PPP3CA: variants seen among roughly 807,000 people sequenced by gnomAD.
PPP3CA encodes the protein protein phosphatase 3 catalytic subunit alpha.
In PPP3CA, 14 loss-of-function variants were observed where a neutral mutation model predicts 66.5. The observed-to-expected ratio is 0.21, with a 90% CI of 0.14 to 0.33. The LOEUF is 0.33. PPP3CA is among the 10% of genes least tolerant of loss of function. The probability of loss-of-function intolerance (pLI) is 1.00; values close to 1 mark genes in which losing one functional copy is unlikely to be tolerated. For missense variants in PPP3CA, 317 were observed against 639.5 expected, an observed-to-expected ratio of 0.50 and a Z score of 5.44; for synonymous variants, 232 against 226.2, an observed-to-expected ratio of 1.03 and a Z score of -0.23.
chr4:101,090,860 ACACACATATCT>A (rs1729892304), intron 6 of PPP3CA, among the ~76,000 whole-genome samples: 2 of 146,914 alleles, frequency 1.4e-5, no homozygotes, highest in Non-Finnish European at 3.0e-5. Context: ...ATTATAATAT[ACACACATATCT>A]GTGTCTATAT....
At chr4:101,031,404 T>A (rs554116180) in intron 12 of PPP3CA, among the ~76,000 whole-genome samples, 1 of 152,318 alleles carries the variant, frequency 6.6e-6, no homozygotes, top group Non-Finnish European at 1.5e-5. Context: ...TTGTTAAAAT[T>A]GTATTGTATG....
At chr4:101,231,287 G>C (rs577465007) in intron 1 of PPP3CA, among the ~76,000 whole-genome samples, 1 of 151,794 alleles carries the variant, frequency 6.6e-6, no homozygotes, top group South Asian at 2.1e-4. Flanking sequence ...AATGGGGAAG[G>C]CAGCAGTTTT....
At chr4:101,283,986 TAGTTGAAC>T (rs112285227) in intron 1 of PPP3CA, among the ~76,000 whole-genome samples, 6 of 152,340 alleles carry the variant, frequency 3.9e-5, no homozygotes, top group African/African-American at 1.4e-4. Flanking sequence ...TCGAGTCTTG[TAGTTGAAC>T]TAGACATATT....
intron 1 of PPP3CA, among the ~76,000 whole-genome samples, chr4:101,280,603 T>A (rs1356926736): frequency 6.6e-6 from 1 of 152,092 alleles, no homozygotes; most frequent in Admixed American, 6.6e-5. Flanking sequence ...GTGGATCACC[T>A]GAGGTCAGGA....
rs1023717036 is a variant in PPP3CA, at chr4:101,196,523, T to C, written c.59-407A>G. On this transcript the variant is annotated intron_variant, in intron 1 of 13. Transcript: ENST00000394854. ...AGAAAACAGGCTCCTCTACTGGGAT[T>C]AGAGGAGTGGGAAAAGGTCTACCCA... 2.4e-4 allele frequency among the ~76,000 whole-genome samples: 36 copies of C among 152,102 alleles called. 1 individual carries two copies. Among genetic ancestry groups the C allele is most frequent in the South Asian group, 2.1e-4 (1 of 4,830 alleles).
At chr4:101,314,518 C>T (rs1050954172) in intron 1 of PPP3CA, among the ~76,000 whole-genome samples, 1 of 140,696 alleles carries the variant, frequency 7.1e-6, no homozygotes, top group Non-Finnish European at 1.5e-5. Flanking sequence ...GAGCAGAGAT[C>T]GCGCCACTGC....
intron 1 of PPP3CA, among the ~76,000 whole-genome samples, chr4:101,336,820 G>C (rs976675218): frequency 6.6e-6 from 1 of 152,196 alleles, no homozygotes; most frequent in African/African-American, 2.4e-5. Context: ...ATGCAGGGGC[G>C]GGATTCTATC....
chr4:101,335,062 T>A (rs1450325233), intron 1 of PPP3CA, among the ~76,000 whole-genome samples: 1 of 152,048 alleles, frequency 6.6e-6, no homozygotes, highest in Non-Finnish European at 1.5e-5. Flanking sequence ...TGAACGTAAA[T>A]CCACTCTCGT....
At chr4:101,045,946 A>G (rs1271526520) in intron 10 of PPP3CA, among the ~76,000 whole-genome samples, 1 of 152,236 alleles carries the variant, frequency 6.6e-6, no homozygotes, top group Non-Finnish European at 1.5e-5. Context: ...TGTTTAAAAT[A>G]TTTTGTAATA....
Position 101,209,504 on chromosome 4 carries a change from A to G in PPP3CA, c.59-13388T>C, listed in dbSNP as rs1055595548. Reference sequence around the variant, plus strand: ...GGATCGCCATGCTCAAGAAAGAAAAAAGTATGTCCTAGAAGCAAAGACAAA... The same window carrying G: ...GGATCGCCATGCTCAAGAAAGAAAAGAGTATGTCCTAGAAGCAAAGACAAA... On this transcript the variant is annotated intron_variant, in intron 1 of 13. Coordinates refer to ENST00000394854, the MANE Select transcript of PPP3CA (RefSeq NM_000944.5). Among the ~76,000 whole-genome samples the G allele has an allele frequency of 3.3e-5, 5 of 152,192 alleles. No individual in the cohort carries two copies. In the South Asian group the frequency reaches 6.2e-4, roughly 19 times the overall value.
At chr4:101,283,468 A>C (rs920947823) in intron 1 of PPP3CA, among the ~76,000 whole-genome samples, 11 of 152,254 alleles carry the variant, frequency 7.2e-5, no homozygotes, top group Admixed American at 3.9e-4. Flanking sequence ...ATTTTTAATT[A>C]GCAATAAAAA....
At chr4:101,217,097 T>C (rs1725481068) in intron 1 of PPP3CA, among the ~76,000 whole-genome samples, 1 of 152,134 alleles carries the variant, frequency 6.6e-6, no homozygotes, top group Non-Finnish European at 1.5e-5. Context: ...TTCTAAAATT[T>C]GTTGAAGAAA....
chr4:101,140,557 T>C (rs552252955), intron 2 of PPP3CA, among the ~76,000 whole-genome samples: 2 of 152,174 alleles, frequency 1.3e-5, no homozygotes, highest in Non-Finnish European at 2.9e-5. Context: ...CTGGGTAAGA[T>C]GCATTACCTA....
chr4:101,235,246 G>GA (rs1431040072), intron 1 of PPP3CA, among the ~76,000 whole-genome samples: 2 of 151,776 alleles, frequency 1.3e-5, no homozygotes, highest in Admixed American at 1.3e-4. Flanking sequence ...GTATGGGCCT[G>GA]AATTGCCTTA....
chr4:101,075,341 C>A (rs1729139531), intron 8 of PPP3CA, among the ~76,000 whole-genome samples: 1 of 152,092 alleles, frequency 6.6e-6, no homozygotes, highest in African/African-American at 2.4e-5. Context: ...AGTTTCGTTG[C>A]CATTAGACTT....
chr4:101,100,185 C>T (rs1376029707), intron 3 of PPP3CA, among the ~76,000 whole-genome samples: 2 of 151,826 alleles, frequency 1.3e-5, no homozygotes, highest in Non-Finnish European at 2.9e-5. Flanking sequence ...ATTTATATAC[C>T]AAAGACACTG....
chr4:101,032,389 A>G (rs759701550), intron 11 of PPP3CA, 25 bp from the exon 12 acceptor site: 7 of 1,569,046 alleles, frequency 4.5e-6, no homozygotes, highest in Middle Eastern at 1.7e-4. Context: ...GAGGGGCGAC[A>G]TTAACTTTTA....
intron 2 of PPP3CA, among the ~76,000 whole-genome samples, chr4:101,175,965 C>G (rs999549567): frequency 6.6e-6 from 1 of 152,090 alleles, no homozygotes; most frequent in Non-Finnish European, 1.5e-5. Flanking sequence ...TCCACAAAAC[C>G]TTACTCCCTC....
chr4:101,343,407 C>T (rs1015822951), intron 1 of PPP3CA, among the ~76,000 whole-genome samples: 11 of 152,112 alleles, frequency 7.2e-5, no homozygotes, highest in Non-Finnish European at 1.3e-4. Context: ...TGAGACAAGG[C>T]CTGTAGAGTA....
Sources: allele counts gnomAD v4.1 joint callset (sites outside exome capture counted in the v4.1 genomes callset), GRCh38; gene constraint gnomAD v4.1.1; transcripts MANE v1.5; gene names NCBI Gene and HGNC (gene_info 2026-07-23, HGNC 2026-07-21).